RANBP2: variants seen among roughly 807,000 people sequenced by gnomAD.
RANBP2 encodes RAN binding protein 2.
Under a neutral mutation model 303.6 loss-of-function variants are expected in RANBP2, and 57 were observed. That is an observed-to-expected ratio of 0.19 (90% CI 0.15 to 0.23). The LOEUF is 0.23. RANBP2 is among the 10% of genes least tolerant of loss of function. The pLI, the probability that RANBP2 is intolerant of heterozygous loss-of-function variation, is 1.00. For synonymous variants in RANBP2, 1,167 were observed against 1,301.5 expected, an observed-to-expected ratio of 0.90 and a Z score of 2.23; for missense variants, 3,138 against 3,780.8, an observed-to-expected ratio of 0.83 and a Z score of 4.46.
At chr2:109,550,064 G>A in the RANBP2 span, among the ~76,000 whole-genome samples, 4 of 151,962 alleles carry the variant, frequency 2.6e-5, no homozygotes, top group South Asian at 8.3e-4. Context: ...GCCGAGGCAG[G>A]CGGATAACGT....
the RANBP2 span, among the ~76,000 whole-genome samples, chr2:108,807,540 A>T: frequency 6.6e-6 from 1 of 152,214 alleles, no homozygotes; most frequent in Admixed American, 6.5e-5. Flanking sequence ...ATGTGAAAAT[A>T]TACCATAAAT....
At chr2:108,912,593 C>T in the RANBP2 span, 2 of 1,298,296 alleles carry the variant, frequency 1.5e-6, no homozygotes, top group South Asian at 2.5e-5. Context: ...ATAATCATCA[C>T]TCATGATCAT....
At chr2:109,694,282 C>T in the RANBP2 span, among the ~76,000 whole-genome samples, 1 of 152,102 alleles carries the variant, frequency 6.6e-6, no homozygotes, top group Admixed American at 6.6e-5. Flanking sequence ...CCTGCTCTGG[C>T]AGTGTGACAG....
At chr2:109,587,368 C>T in the RANBP2 span, among the ~76,000 whole-genome samples, 1 of 151,908 alleles carries the variant, frequency 6.6e-6, no homozygotes, top group African/African-American at 2.4e-5. Flanking sequence ...GTCTTAAAAA[C>T]TTGTGTGAGA....
At chr2:108,761,468 A>G (rs527316933) in intron 18 of RANBP2, among the ~76,000 whole-genome samples, 2 of 152,348 alleles carry the variant, frequency 1.3e-5, no homozygotes, top group Admixed American at 6.5e-5. Flanking sequence ...TAGTTTTGCC[A>G]TTAACATGGG....
the RANBP2 span, among the ~76,000 whole-genome samples, chr2:108,793,902 A>G: frequency 1.3e-5 from 2 of 151,822 alleles, no homozygotes; most frequent in East Asian, 3.9e-4. Context: ...GCGCCCTGCC[A>G]CCCTCAGGAA....
the RANBP2 span, among the ~76,000 whole-genome samples, chr2:109,485,330 T>C: frequency 7.9e-3 from 1,209 of 152,354 alleles, 17 homozygotes; most frequent in African/African-American, 0.027. Context: ...TTTACTTCAT[T>C]TTCATGAAAT....
At chr2:109,613,194 G>C in the RANBP2 span, 1 of 1,287,768 alleles carries the variant, frequency 7.8e-7, no homozygotes, top group Non-Finnish European at 1.0e-6. Flanking sequence ...AAAACCGCTG[G>C]CTTACTAACA....
chr2:109,610,321 C>T, the RANBP2 span, among the ~76,000 whole-genome samples: 3 of 152,122 alleles, frequency 2.0e-5, no homozygotes, highest in African/African-American at 7.2e-5. Context: ...ATCTCTTGAC[C>T]TCATGATCCA....
At chr2:109,369,761 T>C in the RANBP2 span, among the ~76,000 whole-genome samples, 22 of 152,280 alleles carry the variant, frequency 1.4e-4, no homozygotes, top group East Asian at 4.3e-3. Context: ...CAATGCTGCC[T>C]CAACTCGGAT....
chr2:108,826,766 A>C, the RANBP2 span, among the ~76,000 whole-genome samples: 1 of 152,182 alleles, frequency 6.6e-6, no homozygotes, highest in African/African-American at 2.4e-5. Flanking sequence ...GCAGCCTTTC[A>C]ATTTCTGCAA....
the RANBP2 span, among the ~76,000 whole-genome samples, chr2:109,516,538 A>G: frequency 1.3e-5 from 2 of 152,212 alleles, no homozygotes; most frequent in African/African-American, 4.8e-5. Context: ...CAGGCAGGGC[A>G]CAGGCAAGGC....
At chr2:109,522,652 C>T in the RANBP2 span, among the ~76,000 whole-genome samples, 1 of 151,462 alleles carries the variant, frequency 6.6e-6, no homozygotes, top group African/African-American at 2.4e-5. Context: ...GCAATCCTCC[C>T]GCCTCGGCCT....
At chr2:109,431,302 C>G in the RANBP2 span, among the ~76,000 whole-genome samples, 45 of 152,312 alleles carry the variant, frequency 3.0e-4, no homozygotes, top group African/African-American at 1.1e-3. Context: ...TAACATTCAT[C>G]TTTGGTCTCT....
the RANBP2 span, among the ~76,000 whole-genome samples, chr2:109,079,239 A>C: frequency 1.3e-5 from 2 of 152,234 alleles, no homozygotes; most frequent in African/African-American, 4.8e-5. Context: ...TGAATAGTAA[A>C]TACGGTTTCT....
At chr2:109,192,563 T>C in the RANBP2 span, among the ~76,000 whole-genome samples, 4 of 151,638 alleles carry the variant, frequency 2.6e-5, no homozygotes, top group Non-Finnish European at 5.9e-5. Context: ...GTGGTCCTCA[T>C]GTGGAATTTC....
At chr2:109,195,668 G>A in the RANBP2 span, among the ~76,000 whole-genome samples, 2 of 152,266 alleles carry the variant, frequency 1.3e-5, no homozygotes, top group African/African-American at 2.4e-5. Flanking sequence ...AGAGAGCTCC[G>A]CGTTTGCATC....
At chr2:109,658,009 C>T in the RANBP2 span, among the ~76,000 whole-genome samples, 5 of 151,736 alleles carry the variant, frequency 3.3e-5, no homozygotes, top group Admixed American at 1.3e-4. Context: ...CGTGAGCCAC[C>T]GTGCCGGGCC....
At chr2:109,258,175 C>T in the RANBP2 span, among the ~76,000 whole-genome samples, 3 of 152,162 alleles carry the variant, frequency 2.0e-5, no homozygotes, top group African/African-American at 4.8e-5. Flanking sequence ...ACGAGGCTTA[C>T]GAAAGAGTAA....
Sources: gnomAD v4.1 joint callset for allele counts (sites outside exome capture counted in the v4.1 genomes callset) on GRCh38, gnomAD v4.1.1 for gene constraint, MANE v1.5 for transcripts, NCBI Gene and HGNC (gene_info 2026-07-23, HGNC 2026-07-21) for gene names.